The following PRR5L variants were observed in gnomAD, a reference collection of about 807,000 sequenced individuals.
PRR5L encodes the protein proline-rich protein 5-like.
In PRR5L, 21 loss-of-function variants were observed where a neutral mutation model predicts 36.4. That is an observed-to-expected ratio of 0.58 (90% CI 0.41 to 0.83). The LOEUF is 0.83. PRR5L is among the 40% of genes least tolerant of loss of function. The pLI is 0.00. For missense variants in PRR5L, 381 were observed against 473.3 expected (o/e 0.80, Z 1.81); for synonymous variants, 188 against 197.0 (o/e 0.95, Z 0.38).
chr11:36,412,464 A>G (rs116116295), intron 3 of PRR5L, among the ~76,000 whole-genome samples: 1,578 of 152,278 alleles, frequency 0.01, 27 homozygotes, highest in African/African-American at 0.036. Context: ...TTGACAGGGC[A>G]GCAACCCTAG....
intron 1 of PRR5L, among the ~76,000 whole-genome samples, chr11:36,369,889 G>T (rs1377402751): frequency 6.6e-6 from 1 of 152,176 alleles, no homozygotes; most frequent in Non-Finnish European, 1.5e-5. Context: ...GAACCACCAT[G>T]CCCAGCCTGC....
intron 1 of PRR5L, among the ~76,000 whole-genome samples, chr11:36,331,520 T>A (rs1224265814): frequency 6.6e-6 from 1 of 152,180 alleles, no homozygotes; most frequent in East Asian, 1.9e-4. Flanking sequence ...AGACAGAGAA[T>A]CCTTGTTTCC....
At chr11:36,368,054 T>G (rs774974792) in intron 1 of PRR5L, among the ~76,000 whole-genome samples, 9 of 151,720 alleles carry the variant, frequency 5.9e-5, no homozygotes, top group Non-Finnish European at 1.0e-4. Flanking sequence ...AATGAAAACG[T>G]CAAGGCTGAC....
intron 1 of PRR5L, among the ~76,000 whole-genome samples, chr11:36,342,828 T>C (rs1856830114): frequency 1.3e-5 from 2 of 152,104 alleles, no homozygotes; most frequent in Non-Finnish European, 2.9e-5. Flanking sequence ...AAAAAATTAA[T>C]TCATGTGTCA....
At position 36,410,447 on chromosome 11, in the gene PRR5L, G is replaced by T. The variant is rs72640807; in HGVS notation, c.245+7069G>T. On this transcript the variant is annotated intron_variant, in intron 3 of 8. Coordinates refer to ENST00000530639, the MANE Select transcript of PRR5L (RefSeq NM_001160167.2). ...ATGGGGGGTACCACTGCCTGATTAGGTTGGCCTCCATTTGAGTTGGGATCT... is the reference window on the plus strand; with the variant it reads ...ATGGGGGGTACCACTGCCTGATTAGTTTGGCCTCCATTTGAGTTGGGATCT... Among the ~76,000 whole-genome samples the T allele has an allele frequency of 1.4e-4, 21 of 152,252 alleles. No individual in the cohort carries two copies. In the East Asian group the frequency reaches 4.1e-3, roughly 29 times the overall value.
intron 1 of PRR5L, among the ~76,000 whole-genome samples, chr11:36,387,010 G>C (rs536337918): frequency 1.3e-5 from 2 of 152,314 alleles, no homozygotes; most frequent in South Asian, 4.1e-4. Context: ...CTGGCGCAGG[G>C]GCAGGCGTGG....
Position 36,403,333 on chromosome 11 carries a change from G to A in PRR5L, c.200G>A (p.Gly67Asp), listed in dbSNP as rs868043023. The change falls in exon 3 of 9, where the codon GGT becomes GAT. Residue 67 changes from glycine to aspartate, a missense_variant. Gly to Asp is a moderately conservative substitution (Grantham distance 94). Transcript: ENST00000530639. ...QTAVINVFKG[G>D]GLQSNELYAL... ...GCTGTGATCAACGTTTTCAAAGGGGGTGGCTTGCAAAGCAACGAGCTCTAT... is the reference window on the plus strand; with the variant it reads ...GCTGTGATCAACGTTTTCAAAGGGGATGGCTTGCAAAGCAACGAGCTCTAT... 5 of 1,614,164 alleles carry A rather than the reference G, an allele frequency of 3.1e-6. No homozygotes were observed. Among genetic ancestry groups the A allele is most frequent in the Non-Finnish European group, 4.2e-6 (5 of 1,180,018 alleles).
Position 36,313,730 on chromosome 11 carries a change from G to A in PRR5L, c.-126+17292G>A, listed in dbSNP as rs192620502. Among the ~76,000 whole-genome samples the A allele has an allele frequency of 1.5e-3, 222 of 152,312 alleles. 1 individual carries two copies. The highest frequency in any genetic ancestry group is 5.1e-3 in the African/African-American group (211 of 41,558). ...TAGTTTTAACAGCATGATTGACCTT[G>A]TCTGCATTGCCAGTTCAATCTACCT... On this transcript the variant is annotated intron_variant, in intron 1 of 8. Transcript: ENST00000530639.
intron 3 of PRR5L, among the ~76,000 whole-genome samples, chr11:36,406,346 G>A (rs1337317794): frequency 1.3e-5 from 2 of 151,848 alleles, no homozygotes; most frequent in East Asian, 3.9e-4. Context: ...ATAAGCCAAA[G>A]CTTAAAAAAA....
chr11:36,388,694 C>CTTTTTTTT (rs1252535250), intron 1 of PRR5L, among the ~76,000 whole-genome samples: 2,237 of 112,514 alleles, frequency 0.02, 57 homozygotes, highest in Non-Finnish European at 0.029. Flanking sequence ...TCGGCTCTTT[C>CTTTTTTTT]TTTCTTTTTT....
intron 1 of PRR5L, among the ~76,000 whole-genome samples, chr11:36,327,577 C>T (rs186360716): frequency 1.2e-3 from 178 of 152,288 alleles, no homozygotes; most frequent in African/African-American, 4.2e-3. Flanking sequence ...TCTTCCCTTT[C>T]CAGGTCTTTT....
At chr11:36,345,046 G>A (rs1023734377) in intron 1 of PRR5L, among the ~76,000 whole-genome samples, 23 of 152,142 alleles carry the variant, frequency 1.5e-4, no homozygotes, top group African/African-American at 5.1e-4. Flanking sequence ...GAGAGAAAAG[G>A]GTCTTTCCAG....
intron 1 of PRR5L, among the ~76,000 whole-genome samples, chr11:36,318,308 T>C (rs2133461201): frequency 6.6e-6 from 1 of 152,326 alleles, no homozygotes; most frequent in Middle Eastern, 3.4e-3. Flanking sequence ...TATTTACCTA[T>C]CTTTGCTTTA....
intron 7 of PRR5L, 64 bp from the exon 8 acceptor site, chr11:36,451,145 T>G (rs1858936149): frequency 1.3e-6 from 2 of 1,587,674 alleles, no homozygotes; most frequent in Non-Finnish European, 1.7e-6. Flanking sequence ...ATTTGTTGAG[T>G]GAGAACCTGC....
chr11:36,436,480 T>G (rs1404624465), intron 5 of PRR5L, among the ~76,000 whole-genome samples: 1 of 152,226 alleles, frequency 6.6e-6, no homozygotes, highest in African/African-American at 2.4e-5. Context: ...TAGCTTAGGC[T>G]TCCTGATCCT....
chr11:36,418,814 A>C (rs907558216), intron 3 of PRR5L, among the ~76,000 whole-genome samples: 2 of 152,028 alleles, frequency 1.3e-5, no homozygotes, highest in Non-Finnish European at 2.9e-5. Context: ...AATAATAATA[A>C]ATAATTACTC....
At chr11:36,430,172 G>A (rs1245376207) in intron 4 of PRR5L, among the ~76,000 whole-genome samples, 1 of 152,164 alleles carries the variant, frequency 6.6e-6, no homozygotes, top group East Asian at 1.9e-4. Flanking sequence ...CACTTTGGGA[G>A]GCCGAGGTGG....
In PRR5L at chr11:36,344,540, CA is replaced by C. The variant is rs1408187484; in HGVS notation, c.-126+48106del. ...GTACTTTTGCTATTGTCAATAACAA[CA>C]AAACGGCCATCTCTGAAGGTGATTT... On this transcript the variant is annotated intron_variant, in intron 1 of 8. Coordinates refer to ENST00000530639, the MANE Select transcript of PRR5L (RefSeq NM_001160167.2). This position sits in a 1 kb window ranked among gnomAD's most constrained non-coding sequence, Gnocchi z 4.1. Among the ~76,000 whole-genome samples, 4 of 152,090 alleles carry C rather than the reference CA, an allele frequency of 2.6e-5. No homozygotes were observed. Among genetic ancestry groups the C allele is most frequent in the African/African-American group, 7.2e-5 (3 of 41,412 alleles).
intron 1 of PRR5L, among the ~76,000 whole-genome samples, chr11:36,331,086 A>G (rs1167465070): frequency 6.6e-6 from 1 of 152,192 alleles, no homozygotes; most frequent in Non-Finnish European, 1.5e-5. Flanking sequence ...GATTACAGGC[A>G]TGAGCCACCA....
Sources: gnomAD v4.1 joint callset for allele counts (sites outside exome capture counted in the v4.1 genomes callset) on GRCh38, gnomAD v4.1.1 for gene constraint, Gnocchi (gnomAD v3.1) non-coding constraint, MANE v1.5 for transcripts, NCBI Gene and HGNC (gene_info 2026-07-23, HGNC 2026-07-21) for gene names.